CNOT8: variants seen among roughly 807,000 people sequenced by gnomAD.
The protein encoded by CNOT8 is CAF1-like protein.
Under a neutral mutation model 34.6 loss-of-function variants are expected in CNOT8, and 18 were observed. That is an observed-to-expected ratio of 0.52 (90% CI 0.36 to 0.77). The LOEUF is 0.77. CNOT8 is among the 30% of genes least tolerant of loss of function. The pLI is 0.00. For synonymous variants in CNOT8, 101 were observed against 118.8 expected (o/e 0.85, Z 0.98); for missense variants, 189 against 347.9 (o/e 0.54, Z 3.63).
chr5:154,872,412 A>G (rs1354640750), intron 5 of CNOT8, 129 bp from the exon 6 acceptor site: 1 of 549,786 alleles, frequency 1.8e-6, no homozygotes, highest in African/African-American at 1.9e-5. Flanking sequence ...GAGGTTACTA[A>G]GGCCTGTTAA....
At chr5:154,869,557 G>A (rs548656628) in intron 3 of CNOT8, among the ~76,000 whole-genome samples, 2 of 150,038 alleles carry the variant, frequency 1.3e-5, no homozygotes, top group South Asian at 4.2e-4. Flanking sequence ...TGATTCTCAT[G>A]CCTCAACTTC....
chr5:154,865,310 T>TTA lies in CNOT8; in HGVS notation c.237_238dup (p.Thr80IlefsTer35), dbSNP rs1260330051. 1.9e-6 allele frequency: 3 copies of TTA among 1,613,182 alleles called. No homozygotes were observed. Among genetic ancestry groups the TTA allele is most frequent in the Non-Finnish European group, 2.5e-6 (3 of 1,179,674 alleles). ...CTTTTAAAAATTATCCAGCTGGGCC[T>TTA]TACATTCACAAATGAGAAGGGAGAG... On this transcript the variant is annotated frameshift_variant, in exon 3 of 7. Transcript: ENST00000285896. LOFTEE classifies it high-confidence loss of function.
intron 3 of CNOT8, among the ~76,000 whole-genome samples, chr5:154,870,131 G>C (rs935546404): frequency 6.6e-6 from 1 of 152,088 alleles, no homozygotes; most frequent in Non-Finnish European, 1.5e-5. Context: ...GTCCCCTCCA[G>C]TTCTTGGCCT....
chr5:154,867,520 T>C (rs1344619125), intron 3 of CNOT8, among the ~76,000 whole-genome samples: 1 of 152,224 alleles, frequency 6.6e-6, no homozygotes, highest in East Asian at 1.9e-4. Flanking sequence ...TATTCATTGT[T>C]TGAACCATTA....
intron 3 of CNOT8, among the ~76,000 whole-genome samples, chr5:154,868,863 C>T (rs889821938): frequency 1.3e-5 from 2 of 152,172 alleles, no homozygotes; most frequent in Admixed American, 6.5e-5. Flanking sequence ...CACTTCCTCC[C>T]TCTGCAGGTG....
At chr5:154,871,357 G>A (rs550468778) in intron 4 of CNOT8, among the ~76,000 whole-genome samples, 2 of 152,060 alleles carry the variant, frequency 1.3e-5, no homozygotes, top group Admixed American at 6.5e-5. Context: ...TCAGGAGTTC[G>A]AGACCAGCCT....
intron 3 of CNOT8, among the ~76,000 whole-genome samples, chr5:154,868,733 G>C (rs1244516564): frequency 6.6e-6 from 1 of 152,166 alleles, no homozygotes; most frequent in African/African-American, 2.4e-5. Flanking sequence ...TGGCCAAGAG[G>C]CTATCCAAGC....
intron 3 of CNOT8, among the ~76,000 whole-genome samples, chr5:154,866,133 G>A (rs1249310332): frequency 6.6e-6 from 1 of 152,100 alleles, no homozygotes; most frequent in African/African-American, 2.4e-5. Context: ...TGTTTAACTG[G>A]GCATCGGGAG....
At chr5:154,874,442 G>A (rs1762758359) in intron 6 of CNOT8, among the ~76,000 whole-genome samples, 1 of 152,050 alleles carries the variant, frequency 6.6e-6, no homozygotes, top group Admixed American at 6.6e-5. Flanking sequence ...CAGGTGTGAT[G>A]ACATGCACCT....
intron 1 of CNOT8, chr5:154,859,697 C>G (rs1273972606): frequency 6.6e-6 from 1 of 152,194 alleles, no homozygotes; most frequent in Non-Finnish European, 1.5e-5. Flanking sequence ...CGAGCAAGGC[C>G]TTGATTGCTT....
chr5:154,869,873 T>C (rs1043979301), intron 3 of CNOT8, among the ~76,000 whole-genome samples: 1 of 152,170 alleles, frequency 6.6e-6, no homozygotes, highest in Non-Finnish European at 1.5e-5. Context: ...TCCGCCCACC[T>C]TGGCCTCCCA....
chr5:154,873,068 C>T (rs1437925975), intron 6 of CNOT8, among the ~76,000 whole-genome samples: 2 of 152,104 alleles, frequency 1.3e-5, no homozygotes, highest in East Asian at 3.9e-4. Flanking sequence ...TCTGCCTGGC[C>T]GAATTTTTTG....
chr5:154,867,437 A>T (rs1033593750), intron 3 of CNOT8, among the ~76,000 whole-genome samples: 6 of 152,218 alleles, frequency 3.9e-5, no homozygotes, highest in African/African-American at 1.2e-4. Context: ...ATAACATGTT[A>T]CAAGTTATTT....
chr5:154,874,393 A>G (rs1429311062), intron 6 of CNOT8, among the ~76,000 whole-genome samples: 1 of 151,990 alleles, frequency 6.6e-6, no homozygotes, highest in African/African-American at 2.4e-5. Flanking sequence ...CCTGGCCAAC[A>G]TGGTGAAACC....
chr5:154,869,048 G>C (rs1200131547), intron 3 of CNOT8, among the ~76,000 whole-genome samples: 2 of 152,150 alleles, frequency 1.3e-5, no homozygotes, highest in Non-Finnish European at 2.9e-5. Context: ...CAAGCAGCCT[G>C]AATCAGCTGG....
Position 154,861,570 on chromosome 5 carries a change from C to A in CNOT8, c.-72-1637C>A, listed in dbSNP as rs552185820. Among the ~76,000 whole-genome samples the A allele has an allele frequency of 1.3e-3, 203 of 152,312 alleles. 2 individuals carry two copies. Among genetic ancestry groups the A allele is most frequent in the African/African-American group, 4.5e-3 (189 of 41,570 alleles). ...TTTCCTTGCTCTGTCCCTTGGGAAC[C>A]ACTTACATTCGTTTTACTGTTTCTA... On this transcript the variant is annotated intron_variant, in intron 1 of 6. Coordinates refer to ENST00000285896, the MANE Select transcript of CNOT8 (RefSeq NM_001301073.2).
Position 154,863,232 on chromosome 5 carries a change from C to A in CNOT8, c.-47C>A. 7.7e-7 allele frequency: 1 copy of A among 1,292,720 alleles called. No individual in the cohort carries two copies. The highest frequency in any genetic ancestry group is 1.1e-6 in the Non-Finnish European group (1 of 887,050). The allele number at this position is 1,292,720 out of a possible 1,614,324, so 80.1% of individuals were successfully genotyped here. ...ATCAGACCAAACATTGTCTGGCTTG[C>A]ACTGTAAAACTAGTTAGCTGAAGAC... On this transcript the variant is annotated 5_prime_UTR_variant, in exon 2 of 7. Transcript: ENST00000285896.
Position 154,869,425 on chromosome 5 carries a change from GTTT to G in CNOT8, c.312-1219_312-1217del, listed in dbSNP as rs765749537. ...TGAGCCACCCCACCCGGCCTTGTTGGTTTTTTTTTTTTTTTTTTTAAGTTTATT... is the reference window on the plus strand; with the variant it reads ...TGAGCCACCCCACCCGGCCTTGTTGGTTTTTTTTTTTTTTTTAAGTTTATT... On this transcript the variant is annotated intron_variant, in intron 3 of 6. Coordinates refer to ENST00000285896, the MANE Select transcript of CNOT8 (RefSeq NM_001301073.2). Among the ~76,000 whole-genome samples the G allele has an allele frequency of 3.2e-3, 403 of 127,332 alleles. 4 individuals are homozygous for G. Among genetic ancestry groups the G allele is most frequent in the African/African-American group, 0.01 (356 of 34,216 alleles). The allele number at this position is 127,332 out of a possible 152,430, so 83.5% of individuals were successfully genotyped here.
chr5:154,865,343 C>G lies in CNOT8; in HGVS notation c.269C>G (p.Ser90Cys). ...TFTNEKGEYPSGINTWQFNFK... is the reference protein window; with the variant it reads ...TFTNEKGEYPCGINTWQFNFK... ...ACAAATGAGAAGGGAGAGTATCCTT[C>G]TGGAATCAATACTTGGCAGTTCAAT... Residue 90 changes from serine (S) to cysteine (C), a missense_variant, in exon 3 of 7, where the codon TCT (serine) becomes TGT (cysteine). Ser to Cys is a moderately radical substitution (Grantham distance 112). This residue lies in a region of CNOT8 where 160 missense variants were observed against 321.9 expected (regional missense o/e 0.50). Transcript: ENST00000285896. 1.2e-6 allele frequency: 2 copies of G among 1,602,844 alleles called. No individual in the cohort carries two copies. The highest frequency in any genetic ancestry group is 2.2e-5 in the East Asian group (1 of 44,818).
Sources: allele counts gnomAD v4.1 joint callset (sites outside exome capture counted in the v4.1 genomes callset), GRCh38; gene constraint gnomAD v4.1.1; regional missense constraint gnomAD v4.1.1; transcripts MANE v1.5; gene names NCBI Gene and HGNC (gene_info 2026-07-23, HGNC 2026-07-21).